The following ADAMTSL1 variants were observed in gnomAD, a reference collection of about 807,000 sequenced individuals.
ADAMTSL1 encodes the protein ADAMTS like 1.
Under a neutral mutation model 201.8 loss-of-function variants are expected in ADAMTSL1, and 126 were observed. The observed-to-expected ratio is 0.62, with a 90% CI of 0.54 to 0.72. The LOEUF (loss-of-function observed/expected upper bound fraction) is 0.72. Among genes scored for constraint, ADAMTSL1 ranks in the 30% least tolerant of loss-of-function variants. ADAMTSL1 has a pLI of 0.00. For missense variants in ADAMTSL1, 2,679 were observed against 2,277.8 expected, an observed-to-expected ratio of 1.18 and a Z score of -3.59; for synonymous variants, 1,121 against 903.4, an observed-to-expected ratio of 1.24 and a Z score of -4.32.
At chr9:18,239,394 A>G (rs894995683) in intron 2 of ADAMTSL1, among the ~76,000 whole-genome samples, 5 of 152,172 alleles carry the variant, frequency 3.3e-5, no homozygotes, top group Admixed American at 6.5e-5. Flanking sequence ...ATTTGTTGCC[A>G]TTTCAAGAGA....
At chr9:18,412,303 A>C (rs1818477476) in intron 2 of ADAMTSL1, among the ~76,000 whole-genome samples, 1 of 152,188 alleles carries the variant, frequency 6.6e-6, no homozygotes, top group Non-Finnish European at 1.5e-5. Context: ...TGGTGATGTT[A>C]AGATTAATCA....
chr9:18,825,995 C>T (rs905184381), intron 21 of ADAMTSL1: 1 of 561,770 alleles, frequency 1.8e-6, no homozygotes, highest in Non-Finnish European at 3.1e-6. Flanking sequence ...TTTGTACTGG[C>T]CTCCCTCTTC....
At chr9:18,706,597 A>G (rs1587942391) in intron 13 of ADAMTSL1, 150 bp from the exon 14 acceptor site, 1 of 733,700 alleles carries the variant, frequency 1.4e-6, no homozygotes, top group Admixed American at 3.0e-5. Flanking sequence ...ACTAAACTGA[A>G]GCGCCATCAC....
chr9:18,377,472 C>T (rs1231553486), intron 2 of ADAMTSL1, among the ~76,000 whole-genome samples: 1 of 152,186 alleles, frequency 6.6e-6, no homozygotes, highest in African/African-American at 2.4e-5. Flanking sequence ...AAATGCAATG[C>T]AGACGTTGGC....
At chr9:18,742,348 T>C (rs1818880846) in intron 15 of ADAMTSL1, among the ~76,000 whole-genome samples, 1 of 152,230 alleles carries the variant, frequency 6.6e-6, no homozygotes, top group African/African-American at 2.4e-5. Flanking sequence ...TGTCAAATTA[T>C]TTCCTTAATC....
Position 18,267,762 on chromosome 9 carries a change from T to TAAAAAAAAA in ADAMTSL1, c.207+103785_207+103793dup, listed in dbSNP as rs72030473. ...ATTTCTCAGGTTACTCAAAGGCTAT[T>TAAAAAAAAA]AAAAAAAAAAAACAAAAACAAAAAC... is the stretch of plus-strand genomic sequence containing the variant. On this transcript the variant is annotated intron_variant, in intron 2 of 29. Coordinates refer to the ADAMTSL1 transcript ENST00000680146. Among the ~76,000 whole-genome samples, 23 of 125,282 alleles carry TAAAAAAAAA rather than the reference T, an allele frequency of 1.8e-4. 2 individuals carry two copies. Among genetic ancestry groups the TAAAAAAAAA allele is most frequent in the African/African-American group, 6.0e-4 (18 of 29,778 alleles). The allele number at this position is 125,282 out of a possible 152,430, so 82.2% of individuals were successfully genotyped here. A position where few individuals can be genotyped will look rare whatever the true frequency, so the allele number is the denominator to read the frequency against.
intron 2 of ADAMTSL1, among the ~76,000 whole-genome samples, chr9:18,271,635 T>C (rs934754192): frequency 6.6e-6 from 1 of 152,206 alleles, no homozygotes; most frequent in Non-Finnish European, 1.5e-5. Context: ...GCAATAAACA[T>C]ACATGTGCAT....
At chr9:18,779,370 A>G (rs1382483024) in intron 19 of ADAMTSL1, among the ~76,000 whole-genome samples, 2 of 152,226 alleles carry the variant, frequency 1.3e-5, no homozygotes, top group African/African-American at 4.8e-5. Flanking sequence ...TGATAACAAT[A>G]CTAAGTATTA....
intron 1 of ADAMTSL1, among the ~76,000 whole-genome samples, chr9:18,504,277 G>A (rs1587397436): frequency 6.6e-6 from 1 of 152,158 alleles, no homozygotes; most frequent in African/African-American, 2.4e-5. Context: ...TAACCAGCAA[G>A]TCTATTTGTC....
intron 1 of ADAMTSL1, among the ~76,000 whole-genome samples, chr9:18,128,347 A>G (rs1825819619): frequency 6.6e-6 from 1 of 152,158 alleles, no homozygotes; most frequent in Non-Finnish European, 1.5e-5. Flanking sequence ...TGATAGAAAC[A>G]GCTTGAAGTT....
At position 17,914,336 on chromosome 9, in the gene ADAMTSL1, T is replaced by C. The variant is rs12555641; in HGVS notation, c.87+7414T>C. On this transcript the variant is annotated intron_variant, in intron 1 of 29. Coordinates refer to the ADAMTSL1 transcript ENST00000680146. ...AGCTTATCCACCATGATCAAGTGGG[T>C]TTCATCCCTGGGATGCAAGGCTGGT... 7.7e-3 allele frequency among the ~76,000 whole-genome samples: 1,169 copies of C among 152,082 alleles called. 9 individuals carry two copies. The highest frequency in any genetic ancestry group is 0.024 in the African/African-American group (974 of 41,444).
chr9:18,287,182 A>C (rs1236555197), intron 2 of ADAMTSL1, among the ~76,000 whole-genome samples: 2 of 152,164 alleles, frequency 1.3e-5, no homozygotes, highest in East Asian at 3.8e-4. Context: ...AAGAAGAAAA[A>C]GGTGACAAGC....
At chr9:18,422,182 TACAC>T (rs142232763) in intron 2 of ADAMTSL1, among the ~76,000 whole-genome samples, 1 of 151,076 alleles carries the variant, frequency 6.6e-6, no homozygotes, top group African/African-American at 2.4e-5. Flanking sequence ...AATAATGTCA[TACAC>T]ACACACACAC....
intron 1 of ADAMTSL1, among the ~76,000 whole-genome samples, chr9:18,068,660 C>G (rs1199905708): frequency 6.6e-6 from 1 of 152,108 alleles, no homozygotes; most frequent in African/African-American, 2.4e-5. Flanking sequence ...ACTATGTGTC[C>G]CCCTGGATGC....
rs57044158 is a variant in ADAMTSL1 at position 18,843,640 on chromosome 9, G to T, written c.4249+13663G>T. 6.8e-3 allele frequency among the ~76,000 whole-genome samples: 1,032 copies of T among 150,800 alleles called. 86 individuals carry two copies. The highest frequency in any genetic ancestry group is 0.025 in the African/African-American group (990 of 40,168). On this transcript the variant is annotated intron_variant, in intron 23 of 28. Transcript: ENST00000380548. ...TATCCTGCAGAGTGTTTTCCAACTT[G>T]GTTCCATTCTCCCCATCACTTTCAG...
chr9:18,189,167 C>G (rs1350981900), intron 2 of ADAMTSL1, among the ~76,000 whole-genome samples: 1 of 152,106 alleles, frequency 6.6e-6, no homozygotes, highest in African/African-American at 2.4e-5. Flanking sequence ...CCACAGTTGC[C>G]AGGCTGAGTT....
chr9:18,222,034 C>A (rs1830279866), intron 2 of ADAMTSL1, among the ~76,000 whole-genome samples: 1 of 151,870 alleles, frequency 6.6e-6, no homozygotes, highest in African/African-American at 2.4e-5. Flanking sequence ...ACCATTTATA[C>A]CCTCTTTATC....
At chr9:18,866,520 G>T (rs1827550496) in intron 23 of ADAMTSL1, among the ~76,000 whole-genome samples, 1 of 152,152 alleles carries the variant, frequency 6.6e-6, no homozygotes, top group African/African-American at 2.4e-5. Flanking sequence ...AATTTATTTT[G>T]ATCTTTCCCT....
At chr9:17,940,803 C>CCG (rs386414570) in intron 1 of ADAMTSL1, among the ~76,000 whole-genome samples, 2 of 12,558 alleles carry the variant, frequency 1.6e-4, no homozygotes, top group Non-Finnish European at 3.5e-4. Flanking sequence ...GTAAATAACA[C>CCG]CCCCCCCCCA....
Sources: allele counts gnomAD v4.1 joint callset (sites outside exome capture counted in the v4.1 genomes callset), GRCh38; gene constraint gnomAD v4.1.1; transcripts MANE v1.5; gene names NCBI Gene and HGNC (gene_info 2026-07-23, HGNC 2026-07-21).